Variants in GNAO1 observed in about 807,000 individuals in gnomAD.
The protein encoded by GNAO1 is G protein subunit alpha o1, also known as guanine nucleotide-binding protein G(o) subunit alpha.
For missense variants in GNAO1, 166 were observed against 478.7 expected (o/e 0.35, Z 6.10); for synonymous variants, 164 against 180.7 (o/e 0.91, Z 0.74).
intron 2 of GNAO1, among the ~76,000 whole-genome samples, chr16:56,214,413 AG>A (rs1356058634): frequency 1.3e-5 from 2 of 152,202 alleles, no homozygotes; most frequent in Non-Finnish European, 2.9e-5. Context: ...GCAGAGTCAC[AG>A]GGGCAGGTTT....
Position 56,336,792 on chromosome 16 carries a change from G to A in GNAO1, c.655G>A (p.Val219Ile), listed in dbSNP as rs2037744218. ...RKKWIHCFEDVTAIIFCVALS... is the reference protein window; with the variant it reads ...RKKWIHCFEDITAIIFCVALS... ...GAAGTGGATCCATTGCTTCGAGGAC[G>A]TCACGGCCATCATTTTCTGTGTCGC... Residue 219 changes from valine (V) to isoleucine (I), a missense_variant, in exon 6 of 9, where the codon GTC becomes ATC. Transcript: ENST00000262493. 1 of 1,613,688 alleles carries A rather than the reference G, an allele frequency of 6.2e-7. No homozygotes were observed. Among genetic ancestry groups the A allele is most frequent in the Non-Finnish European group, 8.5e-7 (1 of 1,179,926 alleles).
chr16:56,203,569 T>C (rs1166791256), intron 2 of GNAO1, among the ~76,000 whole-genome samples: 4 of 151,836 alleles, frequency 2.6e-5, no homozygotes, highest in African/African-American at 9.7e-5. Flanking sequence ...AAAGAGAGAA[T>C]GGAGAGAAGA....
chr16:56,243,398 G>GA lies in GNAO1; in HGVS notation c.162-32527dup, dbSNP rs1399639791. Among the ~76,000 whole-genome samples, 13 of 152,078 alleles carry GA rather than the reference G, an allele frequency of 8.5e-5. No individual in the cohort carries two copies. In the East Asian group the frequency reaches 2.5e-3, roughly 29 times the overall value. ...AGTACAAAGACAACCCACAGAGTGG[G>GA]AAAAAATATTTGCAACTCATATGTC... On this transcript the variant is annotated intron_variant, in intron 2 of 8. Transcript: ENST00000262493.
intron 3 of GNAO1, among the ~76,000 whole-genome samples, chr16:56,318,578 T>TTGTGTGTG (rs145372923): frequency 6.6e-6 from 1 of 151,866 alleles, no homozygotes; most frequent in African/African-American, 2.4e-5. Flanking sequence ...AGGACTGGGT[T>TTGTGTGTG]TGTGTGTGTG....
At chr16:56,200,427 G>A (rs1164303905) in intron 2 of GNAO1, among the ~76,000 whole-genome samples, 1 of 152,194 alleles carries the variant, frequency 6.6e-6, no homozygotes, top group Non-Finnish European at 1.5e-5. Flanking sequence ...GCCATGGAAT[G>A]TGTTCATCAT....
chr16:56,328,850 A>G (rs1184518826), intron 4 of GNAO1, 59 bp downstream of exon 4: 14 of 1,551,076 alleles, frequency 9.0e-6, no homozygotes, highest in Non-Finnish European at 1.2e-5. Flanking sequence ...AGTGGAAGGG[A>G]CTGGTGATGG....
chr16:56,282,487 G>A (rs1413556035), intron 3 of GNAO1, among the ~76,000 whole-genome samples: 1 of 152,188 alleles, frequency 6.6e-6, no homozygotes, highest in African/African-American at 2.4e-5. Flanking sequence ...AGAAGCACAA[G>A]GTTCTTAACT....
chr16:56,335,947 T>C (rs904948926), intron 5 of GNAO1, among the ~76,000 whole-genome samples: 2 of 152,212 alleles, frequency 1.3e-5, no homozygotes, highest in African/African-American at 4.8e-5. Context: ...CACTCCGTTG[T>C]GTCCGGTGGG....
intron 6 of GNAO1, among the ~76,000 whole-genome samples, chr16:56,349,397 C>T (rs541278350): frequency 8.5e-5 from 13 of 152,306 alleles, no homozygotes; most frequent in African/African-American, 3.1e-4. Context: ...AGCCTCACCA[C>T]TCTGGCCTCA....
intron 3 of GNAO1, among the ~76,000 whole-genome samples, chr16:56,296,227 C>T (rs1179977872): frequency 6.6e-6 from 1 of 152,120 alleles, no homozygotes; most frequent in Non-Finnish European, 1.5e-5. Context: ...TGGCAGCTCT[C>T]TTGGGGTGGG....
At position 56,213,228 on chromosome 16, in the gene GNAO1, C is replaced by A. The variant is rs758287013; in HGVS notation, c.161+20612C>A. The A allele has an allele frequency of 1.4e-4, 54 of 398,458 alleles. 1 individual carries two copies. Among genetic ancestry groups the A allele is most frequent in the African/African-American group, 1.0e-3 (50 of 48,732 alleles). The allele number at this position is 398,458 out of a possible 1,614,324, so 24.7% of individuals were successfully genotyped here. ...ATTATTTGGTTAAAATGCTTTCCAT[C>A]GAGGTTATTCTTTCTTTCTTCTTTT... On this transcript the variant is annotated intron_variant, in intron 2 of 8. Transcript: ENST00000262493.
chr16:56,287,689 GT>G (rs2143550437), intron 3 of GNAO1, among the ~76,000 whole-genome samples: 1 of 152,302 alleles, frequency 6.6e-6, no homozygotes, highest in Admixed American at 6.5e-5. Flanking sequence ...GGTCAAAGAG[GT>G]GGTGTCATCC....
At chr16:56,328,869 A>G in intron 4 of GNAO1, 78 bp downstream of exon 4, 2 of 1,446,818 alleles carry the variant, frequency 1.4e-6, no homozygotes, top group South Asian at 2.4e-5. Context: ...GGGGATTGGC[A>G]GAGCAAGGAG....
chr16:56,255,574 T>G (rs1440055074), intron 2 of GNAO1: 3 of 152,224 alleles, frequency 2.0e-5, no homozygotes, highest in Non-Finnish European at 4.4e-5. Context: ...CATCTTGAAG[T>G]TTAGCAGTTG....
intron 2 of GNAO1, among the ~76,000 whole-genome samples, chr16:56,270,003 A>G (rs1208356667): frequency 1.3e-5 from 2 of 152,174 alleles, no homozygotes; most frequent in African/African-American, 2.4e-5. Flanking sequence ...GGAAGCAGAG[A>G]GCAAAGGGAG....
intron 6 of GNAO1, chr16:56,345,067 A>G: frequency 1.0e-6 from 1 of 985,256 alleles, no homozygotes; most frequent in Non-Finnish European, 1.2e-6. Context: ...CCTGTCCCCA[A>G]CTCTAAAGGG....
At chr16:56,271,535 C>T (rs149878022) in intron 2 of GNAO1, among the ~76,000 whole-genome samples, 9 of 152,302 alleles carry the variant, frequency 5.9e-5, no homozygotes, top group East Asian at 3.9e-4. Flanking sequence ...TTCACTGCCA[C>T]GTCCTCCTCC....
At chr16:56,310,729 G>A (rs2037448881) in intron 3 of GNAO1, among the ~76,000 whole-genome samples, 1 of 152,148 alleles carries the variant, frequency 6.6e-6, no homozygotes, top group Admixed American at 6.5e-5. Flanking sequence ...TGTTAGTAAG[G>A]GTGCCCTAGC....
chr16:56,331,888 C>T (rs1292075305), intron 4 of GNAO1, among the ~76,000 whole-genome samples: 2 of 152,208 alleles, frequency 1.3e-5, no homozygotes, highest in Non-Finnish European at 2.9e-5. Flanking sequence ...ACCCCTGGCT[C>T]CCATCCTCCC....
Sources: gnomAD v4.1 joint callset for allele counts (sites outside exome capture counted in the v4.1 genomes callset) on GRCh38, gnomAD v4.1.1 for gene constraint, MANE v1.5 for transcripts, NCBI Gene and HGNC (gene_info 2026-07-23, HGNC 2026-07-21) for gene names.